The following HDAC9 variants were observed in gnomAD, a reference collection of about 807,000 sequenced individuals.
The protein encoded by HDAC9 is MEF-2 interacting transcription repressor (MITR) protein.
In HDAC9, 41 loss-of-function variants were observed where a neutral mutation model predicts 139.4. The observed-to-expected ratio is 0.29, with a 90% CI of 0.23 to 0.38. HDAC9 has a LOEUF of 0.38. HDAC9 is among the 10% of genes least tolerant of loss of function. The pLI, the probability that HDAC9 is intolerant of heterozygous loss-of-function variation, is 1.00. For synonymous variants in HDAC9, 517 were observed against 476.2 expected, an observed-to-expected ratio of 1.09 and a Z score of -1.12; for missense variants, 1,147 against 1,297.0, an observed-to-expected ratio of 0.88 and a Z score of 1.78.
chr7:18,807,283 T>A (rs114036426), intron 17 of HDAC9, among the ~76,000 whole-genome samples: 2,781 of 152,302 alleles, frequency 0.018, 91 homozygotes, highest in African/African-American at 0.063. Flanking sequence ...TTCTGTGGTA[T>A]CAGTTGTTAA....
At chr7:18,991,902 G>T (rs1398052735) in intron 25 of HDAC9, among the ~76,000 whole-genome samples, 2 of 152,300 alleles carry the variant, frequency 1.3e-5, no homozygotes, top group Non-Finnish European at 1.5e-5. Context: ...AGGGATGTTT[G>T]TCTATTTTGT....
chr7:18,287,286 AT>A (rs1237944006), upstream of HDAC9, among the ~76,000 whole-genome samples: 2 of 151,706 alleles, frequency 1.3e-5, no homozygotes, highest in Non-Finnish European at 3.0e-5. Context: ...AAATGAAAAA[AT>A]AATATATTCT....
chr7:18,490,234 ATACAGAT>A (rs1796264464), intron 1 of HDAC9, among the ~76,000 whole-genome samples: 1 of 152,062 alleles, frequency 6.6e-6, no homozygotes, highest in Non-Finnish European at 1.5e-5. Flanking sequence ...GCTGATTAAA[ATACAGAT>A]TCCTTCCAGA....
intron 22 of HDAC9, among the ~76,000 whole-genome samples, chr7:18,903,723 G>T (rs192769462): frequency 6.6e-6 from 1 of 152,250 alleles, no homozygotes; most frequent in East Asian, 1.9e-4. Flanking sequence ...CCTAAAGTAA[G>T]CCCTGATAAA....
At chr7:18,523,316 T>C (rs1359884594) in intron 2 of HDAC9, among the ~76,000 whole-genome samples, 3 of 152,180 alleles carry the variant, frequency 2.0e-5, no homozygotes, top group African/African-American at 7.2e-5. Context: ...TGTGTAATTA[T>C]CACATAACCT....
intron 2 of HDAC9, among the ~76,000 whole-genome samples, chr7:18,201,391 T>A (rs1791103769): frequency 6.6e-6 from 1 of 152,190 alleles, no homozygotes; most frequent in Non-Finnish European, 1.5e-5. Context: ...AATAATAGCT[T>A]CATTATAAAC....
intron 14 of HDAC9, among the ~76,000 whole-genome samples, chr7:18,756,128 T>C (rs1788857873): frequency 2.0e-5 from 3 of 152,122 alleles, no homozygotes; most frequent in Admixed American, 2.0e-4. Context: ...CAGGCATCAG[T>C]AACTTTTAAA....
chr7:18,606,352 A>G (rs1370340093), intron 6 of HDAC9, among the ~76,000 whole-genome samples: 1 of 152,182 alleles, frequency 6.6e-6, no homozygotes. Flanking sequence ...ACTTTTTAAA[A>G]CTCAACTTTT....
intron 6 of HDAC9, 113 bp downstream of exon 6, chr7:18,594,142 C>T: frequency 9.7e-7 from 1 of 1,028,876 alleles, no homozygotes. Context: ...TAATATACCT[C>T]CCCACCCCTG....
rs148570999 is a variant in HDAC9, at chr7:18,297,983, A to T, written c.-42+7468A>T. Among the ~76,000 whole-genome samples, 16 of 152,284 alleles carry T rather than the reference A, an allele frequency of 1.1e-4. No homozygotes were observed. The East Asian group carries it at 3.1e-3, about 29-fold the overall frequency. ...TTCTCTCACAGGCCATTTAAATGTT[A>T]CAGCTCTAAATTCGTTTTTCTCAGA... On this transcript the variant is annotated intron_variant, in intron 1 of 3. Coordinates refer to the HDAC9 transcript ENST00000413509.
At chr7:18,906,698 T>C (rs146428777) in intron 22 of HDAC9, among the ~76,000 whole-genome samples, 88 of 152,306 alleles carry the variant, frequency 5.8e-4, no homozygotes, top group African/African-American at 1.8e-3. Flanking sequence ...AAGACCTTGT[T>C]TGACGGCCTC....
At chr7:18,203,692 A>T (rs1584615135) in intron 2 of HDAC9, among the ~76,000 whole-genome samples, 1 of 152,206 alleles carries the variant, frequency 6.6e-6, no homozygotes, top group African/African-American at 2.4e-5. Flanking sequence ...ACAACAGATT[A>T]TGTTGAATGC....
At chr7:18,581,223 T>C (rs983560878) in intron 2 of HDAC9, among the ~76,000 whole-genome samples, 1 of 152,158 alleles carries the variant, frequency 6.6e-6, no homozygotes, top group Non-Finnish European at 1.5e-5. Context: ...ATATTTAGTC[T>C]AGACAAATGG....
intron 2 of HDAC9, among the ~76,000 whole-genome samples, chr7:18,529,532 C>A (rs1249251088): frequency 6.6e-6 from 1 of 152,008 alleles, no homozygotes; most frequent in African/African-American, 2.4e-5. Flanking sequence ...TGGATTAGTC[C>A]CTAGGGTTTG....
chr7:18,179,802 T>C (rs907600522), intron 2 of HDAC9, among the ~76,000 whole-genome samples: 2 of 152,240 alleles, frequency 1.3e-5, no homozygotes, highest in East Asian at 3.8e-4. Context: ...TTGGAAAATA[T>C]GTCATGAATT....
intron 24 of HDAC9, among the ~76,000 whole-genome samples, chr7:18,974,813 T>G (rs756341590): frequency 3.9e-5 from 6 of 152,248 alleles, no homozygotes; most frequent in Admixed American, 2.0e-4. Context: ...AAAGCCTCAC[T>G]AATGTCATTG....
At chr7:18,270,807 A>G (rs1260021866) in intron 2 of HDAC9, among the ~76,000 whole-genome samples, 1 of 152,184 alleles carries the variant, frequency 6.6e-6, no homozygotes, top group African/African-American at 2.4e-5. Flanking sequence ...AAATAAAACC[A>G]ATAGAAAACC....
intron 12 of HDAC9, among the ~76,000 whole-genome samples, chr7:18,703,187 G>T (rs1276504201): frequency 2.0e-5 from 3 of 151,908 alleles, no homozygotes; most frequent in African/African-American, 4.8e-5. Context: ...AAAGAAACAC[G>T]ATTCTTATTT....
intron 21 of HDAC9, among the ~76,000 whole-genome samples, chr7:18,842,753 C>T (rs990929793): frequency 1.3e-5 from 2 of 152,072 alleles, no homozygotes; most frequent in African/African-American, 4.8e-5. Context: ...AGGTGTGTGT[C>T]TCTAGATACC....
Sources: gnomAD v4.1 joint callset for allele counts (sites outside exome capture counted in the v4.1 genomes callset) on GRCh38, gnomAD v4.1.1 for gene constraint, MANE v1.5 for transcripts, NCBI Gene and HGNC (gene_info 2026-07-23, HGNC 2026-07-21) for gene names.